ZNF215: variants seen among roughly 807,000 people sequenced by gnomAD.
ZNF215 encodes BWSCR2-associated zinc finger protein 2.
ZNF215 carries 24 observed loss-of-function variants against 27.2 expected under a neutral mutation model. The observed-to-expected ratio is 0.88, with a 90% CI of 0.64 to 1.24. The LOEUF is 1.24. Ranked by LOEUF, ZNF215 falls within the 50% of genes most tolerant of loss-of-function variation. ZNF215 has a pLI of 0.00. For synonymous variants in ZNF215, 210 were observed against 204.0 expected, an observed-to-expected ratio of 1.03 and a Z score of -0.25; for missense variants, 675 against 605.7, an observed-to-expected ratio of 1.11 and a Z score of -1.20.
At chr11:6,933,372 A>G (rs1161725287) in intron 3 of ZNF215, among the ~76,000 whole-genome samples, 2 of 152,262 alleles carry the variant, frequency 1.3e-5, no homozygotes, top group East Asian at 3.8e-4. Context: ...TGGGACTTTC[A>G]CAATGAATAA....
downstream of ZNF215, chr11:6,988,235 G>A (rs1851081049): frequency 1.0e-6 from 1 of 985,516 alleles, no homozygotes; most frequent in Non-Finnish European, 1.2e-6. Context: ...ACTGAAGGAA[G>A]CAGAATGAGG....
downstream of ZNF215, among the ~76,000 whole-genome samples, chr11:6,962,159 G>GT (rs1388856910): frequency 6.6e-6 from 1 of 151,500 alleles, no homozygotes; most frequent in African/African-American, 2.4e-5. Flanking sequence ...GTTTTTTTTT[G>GT]TTTGTTTGCT....
intron 2 of ZNF215, among the ~76,000 whole-genome samples, chr11:6,928,504 TTCAC>T (rs1468475802): frequency 6.6e-6 from 1 of 152,198 alleles, no homozygotes; most frequent in Non-Finnish European, 1.5e-5. Flanking sequence ...ATAATTTTAA[TTCAC>T]TAAACTCTTG....
chr11:6,949,879 G>A (rs1313474052), intron 6 of ZNF215, among the ~76,000 whole-genome samples: 1 of 152,134 alleles, frequency 6.6e-6, no homozygotes, highest in African/African-American at 2.4e-5. Context: ...TAACGTTTAA[G>A]TCTTTAATCC....
chr11:6,945,462 C>G (rs1353430463), intron 6 of ZNF215, among the ~76,000 whole-genome samples: 1 of 152,094 alleles, frequency 6.6e-6, no homozygotes, highest in South Asian at 2.1e-4. Flanking sequence ...TTCTCATTTC[C>G]TCACCTCCTA....
downstream of ZNF215, among the ~76,000 whole-genome samples, chr11:6,962,508 T>C (rs766210009): frequency 1.3e-5 from 2 of 152,136 alleles, no homozygotes; most frequent in Non-Finnish European, 2.9e-5. Flanking sequence ...ATGATTCACA[T>C]CCTTGGAAGT....
At chr11:6,987,882 C>T (rs1245589749), downstream of ZNF215, among the ~76,000 whole-genome samples, 1 of 152,128 alleles carries the variant, frequency 6.6e-6, no homozygotes, top group African/African-American at 2.4e-5. Flanking sequence ...GAAGGACTTA[C>T]CTGGGATTTG....
At chr11:6,931,332 A>G (rs1349503698) in intron 2 of ZNF215, among the ~76,000 whole-genome samples, 1 of 152,180 alleles carries the variant, frequency 6.6e-6, no homozygotes, top group East Asian at 1.9e-4. Context: ...TGTTTCCTAC[A>G]CCACGTTTAT....
intron 3 of ZNF215, among the ~76,000 whole-genome samples, chr11:6,933,387 A>G (rs1849328438): frequency 6.6e-6 from 1 of 152,218 alleles, no homozygotes; most frequent in Admixed American, 6.5e-5. Flanking sequence ...GAATAAACCA[A>G]TATATAGTTA....
In ZNF215 at chr11:6,955,788, A is replaced by G; in HGVS notation, c.811A>G (p.Asn271Asp). 1 of 1,613,492 alleles carries G rather than the reference A, an allele frequency of 6.2e-7. No individual in the cohort carries two copies. The highest frequency in any genetic ancestry group is 8.5e-7 in the Non-Finnish European group (1 of 1,179,888). Residue 271 changes from asparagine to aspartate, a missense_variant, in exon 7 of 7, where the codon AAT becomes GAT. Physicochemically the swap from Asn to Asp is conservative, Grantham distance 23. Coordinates refer to ENST00000278319, the MANE Select transcript of ZNF215 (RefSeq NM_013250.4). ...TTCTTCAGATGCCTGGAAAGGTGAG[A>G]ATTGGTTATATAGGAACCAGAAAAA... ...HPSSDAWKGE[N>D]WLYRNQKKWD...
chr11:6,933,111 G>A (rs1325996002), intron 3 of ZNF215, among the ~76,000 whole-genome samples: 2 of 152,160 alleles, frequency 1.3e-5, no homozygotes, highest in African/African-American at 4.8e-5. Context: ...AAAGTTTACC[G>A]ACATCTCCTG....
intron 5 of ZNF215, among the ~76,000 whole-genome samples, chr11:6,967,903 G>C (rs1032902635): frequency 6.6e-6 from 1 of 152,126 alleles, no homozygotes; most frequent in African/African-American, 2.4e-5. Context: ...TTTTCTTGTA[G>C]GTTGTGATGG....
chr11:6,948,440 G>C (rs1849906957), intron 6 of ZNF215, among the ~76,000 whole-genome samples: 1 of 151,482 alleles, frequency 6.6e-6, no homozygotes. Flanking sequence ...GCACAGATTT[G>C]ATATGGGAGA....
At position 6,957,748 on chromosome 11, in the gene ZNF215, C is replaced by T. The variant is rs1290852300; in HGVS notation, c.*1217C>T. The T allele has an allele frequency of 1.0e-6, 1 of 985,232 alleles. No homozygotes were observed. The highest frequency in any genetic ancestry group is 4.7e-5 in the South Asian group (1 of 21,284). The allele number at this position is 985,232 out of a possible 1,614,324, so 61.0% of individuals were successfully genotyped here. ...GATGTTCAGTGCAGACTTACTGTACCTTTGGGAATTTAGGCTGGAGAGACG... is the reference window on the plus strand; with the variant it reads ...GATGTTCAGTGCAGACTTACTGTACTTTTGGGAATTTAGGCTGGAGAGACG... On this transcript the variant is annotated 3_prime_UTR_variant, in exon 7 of 7. Coordinates refer to ENST00000278319, the MANE Select transcript of ZNF215 (RefSeq NM_013250.4).
At chr11:6,990,379 G>A (rs1443687407), downstream of ZNF215, among the ~76,000 whole-genome samples, 3 of 152,168 alleles carry the variant, frequency 2.0e-5, no homozygotes, top group Non-Finnish European at 2.9e-5. Flanking sequence ...TATACACAGA[G>A]CTGTGTATGG....
At chr11:6,993,064 A>C (rs1291684413), downstream of ZNF215, among the ~76,000 whole-genome samples, 2 of 152,348 alleles carry the variant, frequency 1.3e-5, no homozygotes, top group East Asian at 1.9e-4. Flanking sequence ...ATGCCACAGA[A>C]AACTTTTTAA....
In ZNF215 at chr11:6,966,223, TG is replaced by T. The variant is rs139056826; in HGVS notation, c.805+10443del. 2.0e-5 allele frequency among the ~76,000 whole-genome samples: 3 copies of T among 152,266 alleles called. No homozygotes were observed. In the East Asian group the frequency reaches 5.8e-4, roughly 29 times the overall value. Reference sequence around the variant, plus strand: ...TCCTTTGCAGCGGCATGGATGGAGCTGGAGGCCATAATCCTAAGCAAATTAA... The same window carrying T: ...TCCTTTGCAGCGGCATGGATGGAGCTGAGGCCATAATCCTAAGCAAATTAA... On this transcript the variant is annotated intron_variant, in intron 5 of 5. Transcript: ENST00000529903.
chr11:6,983,436 C>T (rs1328900480), intron 5 of ZNF215, among the ~76,000 whole-genome samples: 2 of 152,094 alleles, frequency 1.3e-5, no homozygotes, highest in Non-Finnish European at 2.9e-5. Flanking sequence ...GATACCAAAG[C>T]CTGGCAGAGA....
At chr11:6,972,177 T>TA (rs1253520822) in intron 5 of ZNF215, among the ~76,000 whole-genome samples, 2 of 152,100 alleles carry the variant, frequency 1.3e-5, no homozygotes, top group African/African-American at 2.4e-5. Flanking sequence ...CAGGCATCAG[T>TA]AACCTTTTGT....
Sources: allele counts gnomAD v4.1 joint callset (sites outside exome capture counted in the v4.1 genomes callset), GRCh38; gene constraint gnomAD v4.1.1; transcripts MANE v1.5; gene names NCBI Gene and HGNC (gene_info 2026-07-23, HGNC 2026-07-21).